GRIN2A: variants seen among roughly 807,000 people sequenced by gnomAD.
The protein encoded by GRIN2A is glutamate ionotropic receptor NMDA type subunit 2A.
In GRIN2A, 22 loss-of-function variants were observed where a neutral mutation model predicts 113.4. The ratio of observed to expected loss-of-function variants is 0.19; its 90% CI spans 0.14 to 0.28. GRIN2A has a LOEUF of 0.28. Among genes scored for constraint, GRIN2A ranks in the 10% least tolerant of loss-of-function variants. GRIN2A has a pLI of 1.00. For synonymous variants in GRIN2A, 827 were observed against 738.4 expected (o/e 1.12, Z -1.94); for missense variants, 1,502 against 1,887.0 (o/e 0.80, Z 3.78).
intron 2 of GRIN2A, among the ~76,000 whole-genome samples, chr16:9,970,137 C>T (rs2045642257): frequency 6.6e-6 from 1 of 152,206 alleles, no homozygotes; most frequent in South Asian, 2.1e-4. Context: ...AGCTCAAATT[C>T]AATGTTTGAG....
chr16:9,780,972 G>A (rs1596397399), intron 11 of GRIN2A, among the ~76,000 whole-genome samples: 1 of 145,440 alleles, frequency 6.9e-6, no homozygotes. Flanking sequence ...CACTTTTATT[G>A]TTTAAGCCAG....
In GRIN2A at chr16:10,134,658, G is replaced by A. The variant is rs183261303; in HGVS notation, c.414+45340C>T. On this transcript the variant is annotated intron_variant, in intron 2 of 12. Coordinates refer to ENST00000330684, the MANE Select transcript of GRIN2A (RefSeq NM_001134407.3). ...AAAAAAAAAATTTAGGGAGTGTAAT[G>A]GCCTTCCTTCATTTTATCTTCTCTG... is the stretch of plus-strand genomic sequence containing the variant. Among the ~76,000 whole-genome samples the A allele has an allele frequency of 2.6e-5, 4 of 152,124 alleles. No individual in the cohort carries two copies. In the East Asian group the frequency reaches 7.7e-4, roughly 29 times the overall value.
chr16:10,059,781 A>T (rs7194796), intron 2 of GRIN2A, among the ~76,000 whole-genome samples: 15,264 of 151,808 alleles, frequency 0.1, 861 homozygotes, highest in African/African-American at 0.13. Context: ...GAGGTAAGTG[A>T]AGAGAATGTT....
intron 2 of GRIN2A, among the ~76,000 whole-genome samples, chr16:10,015,895 C>A (rs758309696): frequency 6.6e-6 from 1 of 151,888 alleles, no homozygotes; most frequent in East Asian, 1.9e-4. Flanking sequence ...TTTGGGAGGT[C>A]GAGGTGGGAG....
At chr16:9,923,252 T>C (rs762548344) in intron 3 of GRIN2A, among the ~76,000 whole-genome samples, 10 of 152,184 alleles carry the variant, frequency 6.6e-5, no homozygotes, top group Non-Finnish European at 1.3e-4. Context: ...ACTTAGTGTC[T>C]TATTAATACA....
intron 3 of GRIN2A, among the ~76,000 whole-genome samples, chr16:9,897,534 A>G (rs937739244): frequency 6.6e-6 from 1 of 152,192 alleles, no homozygotes. Flanking sequence ...GTTAGTCTGA[A>G]TTGAAATGTG....
At chr16:9,981,290 G>A (rs2045887721) in intron 2 of GRIN2A, among the ~76,000 whole-genome samples, 2 of 152,324 alleles carry the variant, frequency 1.3e-5, no homozygotes, top group South Asian at 4.1e-4. Flanking sequence ...TAATTGGGCT[G>A]GTAGATGTTT....
intron 2 of GRIN2A, among the ~76,000 whole-genome samples, chr16:9,965,931 A>C (rs868398): frequency 0.32 from 48,774 of 152,180 alleles, 8,348 homozygotes; most frequent in African/African-American, 0.39. Context: ...TGGGCTTTTA[A>C]ATAAAACACT....
intron 2 of GRIN2A, among the ~76,000 whole-genome samples, chr16:10,093,231 G>T (rs1303357262): frequency 2.6e-5 from 4 of 152,204 alleles, no homozygotes; most frequent in African/African-American, 9.6e-5. Flanking sequence ...CATAATAACA[G>T]ATGGGGTAGG....
intron 3 of GRIN2A, among the ~76,000 whole-genome samples, chr16:9,899,707 T>C (rs2043880551): frequency 6.6e-6 from 1 of 152,132 alleles, no homozygotes; most frequent in Admixed American, 6.5e-5. Flanking sequence ...GCAGGGGTCT[T>C]TGTTCTGATC....
intron 8 of GRIN2A, among the ~76,000 whole-genome samples, chr16:9,833,753 T>A (rs183340349): frequency 1.3e-5 from 2 of 152,340 alleles, no homozygotes; most frequent in East Asian, 3.9e-4. Flanking sequence ...TGAGTCTCGC[T>A]CTGTCCCTCA....
At position 9,761,856 on chromosome 16, in the gene GRIN2A, G is replaced by T. The variant is rs940116756; in HGVS notation, c.*1293C>A. On this transcript the variant is annotated 3_prime_UTR_variant, in exon 13 of 13. Coordinates refer to ENST00000330684, the MANE Select transcript of GRIN2A (RefSeq NM_001134407.3). ...CTCTGTTGGTGCTATGAAGTGGTTT[G>T]CCACCAACAGAGAGAATAACTCAGA... 4.9e-6 allele frequency: 1 copy of T among 205,180 alleles called. No homozygotes were observed. The highest frequency in any genetic ancestry group is 2.3e-5 in the African/African-American group (1 of 43,750). 12.7% of individuals were successfully genotyped at this position (205,180 alleles called of 1,614,324 possible).
At chr16:9,838,708 G>A (rs908886320) in intron 7 of GRIN2A, among the ~76,000 whole-genome samples, 1 of 152,180 alleles carries the variant, frequency 6.6e-6, no homozygotes, top group Admixed American at 6.5e-5. Context: ...ATTCCACAGT[G>A]TCAAGACCAG....
At chr16:10,092,003 A>C (rs917835329) in intron 2 of GRIN2A, among the ~76,000 whole-genome samples, 6 of 152,190 alleles carry the variant, frequency 3.9e-5, no homozygotes, top group South Asian at 2.1e-4. Context: ...CAATGAGTGC[A>C]TTTTATGATA....
At chr16:10,117,099 C>T (rs1280252013) in intron 2 of GRIN2A, among the ~76,000 whole-genome samples, 2 of 151,760 alleles carry the variant, frequency 1.3e-5, no homozygotes, top group Non-Finnish European at 2.9e-5. Context: ...ACTCCATGCA[C>T]AGGTGAATTC....
chr16:10,153,635 A>T (rs2049629877), intron 2 of GRIN2A, among the ~76,000 whole-genome samples: 1 of 152,220 alleles, frequency 6.6e-6, no homozygotes, highest in African/African-American at 2.4e-5. Flanking sequence ...AAGTCAAAAT[A>T]AATTTTGTAG....
chr16:10,032,018 T>G (rs1256283884), intron 2 of GRIN2A, among the ~76,000 whole-genome samples: 1 of 152,260 alleles, frequency 6.6e-6, no homozygotes, highest in East Asian at 1.9e-4. Context: ...TCTCTGACCT[T>G]CCTGGGTGGG....
intron 2 of GRIN2A, among the ~76,000 whole-genome samples, chr16:10,042,000 C>T: frequency 6.6e-6 from 1 of 152,058 alleles, no homozygotes; most frequent in Non-Finnish European, 1.5e-5. Context: ...TGTCTGAGTC[C>T]TCCTTGTGCA....
At chr16:10,037,532 C>T (rs953197706) in intron 2 of GRIN2A, among the ~76,000 whole-genome samples, 2 of 152,328 alleles carry the variant, frequency 1.3e-5, no homozygotes, top group South Asian at 4.1e-4. Flanking sequence ...AATGTTTCCC[C>T]TTCCCTAAGA....
Sources: allele counts gnomAD v4.1 joint callset (sites outside exome capture counted in the v4.1 genomes callset), GRCh38; gene constraint gnomAD v4.1.1; transcripts MANE v1.5; gene names NCBI Gene and HGNC (gene_info 2026-07-23, HGNC 2026-07-21).